Variants in TPRG1 observed in about 807,000 individuals in gnomAD.
TPRG1 encodes the protein tumor protein p63-regulated gene 1 protein.
A neutral mutation model predicts 29.3 loss-of-function variants in TPRG1; 29 were observed. The observed-to-expected ratio is 0.99, with a 90% CI of 0.74 to 1.35. The LOEUF is 1.35. TPRG1 is among the 40% of genes most tolerant of loss of function. The probability of loss-of-function intolerance (pLI) is 0.00; values close to 1 mark genes in which losing one functional copy is unlikely to be tolerated. For synonymous variants in TPRG1, 130 were observed against 116.8 expected, an observed-to-expected ratio of 1.11 and a Z score of -0.73; for missense variants, 327 against 335.0, an observed-to-expected ratio of 0.98 and a Z score of 0.19.
intron 4 of TPRG1, among the ~76,000 whole-genome samples, chr3:189,300,964 G>C (rs1217443026): frequency 6.6e-6 from 1 of 151,980 alleles, no homozygotes; most frequent in East Asian, 1.9e-4. Context: ...TAATTTTCAG[G>C]TATCAACAAT....
intron 1 of TPRG1, among the ~76,000 whole-genome samples, chr3:189,175,531 A>G (rs1201058985): frequency 2.6e-5 from 4 of 152,234 alleles, no homozygotes; most frequent in Non-Finnish European, 2.9e-5. Context: ...ACATTAGTTC[A>G]TGATTATTAG....
chr3:189,294,016 C>G (rs1284445416), intron 4 of TPRG1, among the ~76,000 whole-genome samples: 4 of 152,294 alleles, frequency 2.6e-5, no homozygotes, highest in South Asian at 2.1e-4. Flanking sequence ...GCCTGTTTCC[C>G]TATGAACACT....
intron 1 of TPRG1, among the ~76,000 whole-genome samples, chr3:189,101,800 ATAATAATAAAAAT>A (rs1719236293): frequency 6.6e-6 from 1 of 150,712 alleles, no homozygotes; most frequent in East Asian, 1.9e-4. Flanking sequence ...TAATAAATAA[ATAATAATAAAAAT>A]TAATAATAAA....
At chr3:189,154,844 TAGAA>T (rs1169078182) in intron 5 of TPRG1, among the ~76,000 whole-genome samples, 3 of 152,084 alleles carry the variant, frequency 2.0e-5, no homozygotes, top group Admixed American at 6.5e-5. Flanking sequence ...TGACAAATAT[TAGAA>T]AGAAAAAATA....
intron 5 of TPRG1, among the ~76,000 whole-genome samples, chr3:189,319,961 A>G (rs1053422392): frequency 6.6e-6 from 1 of 151,922 alleles, no homozygotes; most frequent in African/African-American, 2.4e-5. Flanking sequence ...TTTTCATTGT[A>G]TGGGTCTCAG....
At chr3:189,127,715 G>A (rs1177574116) in intron 2 of TPRG1, among the ~76,000 whole-genome samples, 4 of 152,280 alleles carry the variant, frequency 2.6e-5, no homozygotes, top group Admixed American at 2.6e-4. Flanking sequence ...GGAGAATAAA[G>A]GAGGTAAACT....
At chr3:189,110,994 G>A (rs1720443668) in intron 1 of TPRG1, among the ~76,000 whole-genome samples, 1 of 151,766 alleles carries the variant, frequency 6.6e-6, no homozygotes. Flanking sequence ...AAGCCTGGAA[G>A]TTAAGTAGTA....
At chr3:189,113,383 A>G (rs1437434521) in intron 1 of TPRG1, among the ~76,000 whole-genome samples, 1 of 152,042 alleles carries the variant, frequency 6.6e-6, no homozygotes, top group South Asian at 2.1e-4. Context: ...TCTCCTGCCT[A>G]ATTGCCCTGG....
chr3:189,096,611 GC>G (rs1718695920), upstream of TPRG1, among the ~76,000 whole-genome samples: 1 of 152,144 alleles, frequency 6.6e-6, no homozygotes, highest in African/African-American at 2.4e-5. Context: ...ACTCCAAAGA[GC>G]TTTTGCTTAT....
At chr3:189,255,840 G>A (rs1019151665) in intron 4 of TPRG1, among the ~76,000 whole-genome samples, 81 of 152,266 alleles carry the variant, frequency 5.3e-4, no homozygotes, top group African/African-American at 1.8e-3. Context: ...TCTGATGGTA[G>A]TTTGTATTTC....
chr3:189,228,118 C>G (rs767980286), intron 3 of TPRG1, among the ~76,000 whole-genome samples: 20 of 152,290 alleles, frequency 1.3e-4, no homozygotes, highest in East Asian at 1.9e-4. Context: ...GAGACTCCAT[C>G]TCAACAACAA....
At chr3:189,225,518 C>A (rs183825653) in intron 3 of TPRG1, among the ~76,000 whole-genome samples, 1 of 152,212 alleles carries the variant, frequency 6.6e-6, no homozygotes, top group East Asian at 1.9e-4. Context: ...TATTTAGGGG[C>A]CTGCCAGTGT....
chr3:189,263,001 G>T (rs1466883854), intron 4 of TPRG1, among the ~76,000 whole-genome samples: 2 of 152,238 alleles, frequency 1.3e-5, no homozygotes, highest in African/African-American at 2.4e-5. Flanking sequence ...GAGACGTTGA[G>T]CAAAATAGAA....
intron 1 of TPRG1, among the ~76,000 whole-genome samples, chr3:189,181,196 G>A (rs1295330531): frequency 1.3e-5 from 2 of 152,106 alleles, no homozygotes. Flanking sequence ...TGATGGGAGG[G>A]GCTGCTATGA....
At chr3:189,173,180 C>T (rs1284169659) in intron 1 of TPRG1, among the ~76,000 whole-genome samples, 2 of 151,744 alleles carry the variant, frequency 1.3e-5, no homozygotes, top group East Asian at 3.9e-4. Flanking sequence ...GGAAATGTTT[C>T]CTCTGTGTGT....
At chr3:189,313,936 ACT>A (rs1723086663) in intron 5 of TPRG1, among the ~76,000 whole-genome samples, 5 of 152,206 alleles carry the variant, frequency 3.3e-5, no homozygotes, top group African/African-American at 1.2e-4. Context: ...CATAGTCCCC[ACT>A]GTAGTTATAA....
At chr3:189,299,157 A>G (rs1194742567) in intron 4 of TPRG1, among the ~76,000 whole-genome samples, 1 of 151,620 alleles carries the variant, frequency 6.6e-6, no homozygotes, top group Non-Finnish European at 1.5e-5. Flanking sequence ...TTTTAAGAGG[A>G]GAGACAAAAA....
At chr3:189,191,284 T>A (rs115352738) in intron 1 of TPRG1, among the ~76,000 whole-genome samples, 3,184 of 152,372 alleles carry the variant, frequency 0.021, 51 homozygotes, top group Non-Finnish European at 0.031. Flanking sequence ...AAGTATTTTT[T>A]AATTTTCATT....
At chr3:189,016,180 G>A (rs920281114) in intron 3 of TPRG1, among the ~76,000 whole-genome samples, 1 of 152,154 alleles carries the variant, frequency 6.6e-6, no homozygotes, top group African/African-American at 2.4e-5. Flanking sequence ...TGGCCTTGAT[G>A]TGAGACATGG....
Sources: allele counts gnomAD v4.1 joint callset (sites outside exome capture counted in the v4.1 genomes callset), GRCh38; gene constraint gnomAD v4.1.1; transcripts MANE v1.5; gene names NCBI Gene and HGNC (gene_info 2026-07-23, HGNC 2026-07-21).